The following TMEM266 variants were observed in gnomAD, a reference collection of about 807,000 sequenced individuals.
TMEM266 encodes transmembrane protein 266.
A neutral mutation model predicts 50.5 loss-of-function variants in TMEM266; 33 were observed. The ratio of observed to expected loss-of-function variants is 0.65; its 90% CI spans 0.50 to 0.87. The LOEUF is 0.87. TMEM266 is among the 40% of genes least tolerant of loss of function. The probability of loss-of-function intolerance (pLI) is 0.00; values close to 1 mark genes in which losing one functional copy is unlikely to be tolerated. For synonymous variants in TMEM266, 310 were observed against 292.3 expected (o/e 1.06, Z -0.62); for missense variants, 655 against 695.1 (o/e 0.94, Z 0.65).
intron 8 of TMEM266, among the ~76,000 whole-genome samples, chr15:76,186,950 A>G (rs72736846): frequency 0.077 from 11,578 of 150,472 alleles, 502 homozygotes; most frequent in Middle Eastern, 0.12. Flanking sequence ...TGTACACACT[A>G]TGCCTCCCCT....
intron 9 of TMEM266, among the ~76,000 whole-genome samples, chr15:76,200,240 C>T (rs373830329): frequency 1.3e-5 from 2 of 152,164 alleles, no homozygotes; most frequent in African/African-American, 2.4e-5. Context: ...CCTCTCAGGC[C>T]GGTATCCAGG....
intron 8 of TMEM266, among the ~76,000 whole-genome samples, chr15:76,177,397 C>G (rs901481354): frequency 6.6e-6 from 1 of 152,238 alleles, no homozygotes; most frequent in African/African-American, 2.4e-5. Flanking sequence ...CAACCCCAGC[C>G]TCTCACAGTT....
intron 1 of TMEM266, among the ~76,000 whole-genome samples, chr15:76,126,534 ATTT>A (rs560928549): frequency 7.0e-6 from 1 of 142,484 alleles, no homozygotes. Context: ...TATAGTTAGA[ATTT>A]TTTTTTTTTT....
chr15:76,131,560 A>C (rs1419096127), intron 1 of TMEM266, among the ~76,000 whole-genome samples: 2 of 152,216 alleles, frequency 1.3e-5, no homozygotes, highest in Non-Finnish European at 2.9e-5. Context: ...AGGTTTTATA[A>C]AGAGAACATA....
chr15:76,084,028 C>T (rs557156703), intron 1 of TMEM266, among the ~76,000 whole-genome samples: 18 of 152,174 alleles, frequency 1.2e-4, no homozygotes, highest in East Asian at 3.9e-4. Flanking sequence ...GATGAGCAGC[C>T]GGGCGTGTGG....
In TMEM266 at chr15:76,171,003, G is replaced by T; in HGVS notation, c.524G>T (p.Gly175Val). Residue 175 changes from glycine to valine, a missense_variant, in exon 7 of 11, where the codon GGG becomes GTG. Gly to Val is a moderately radical substitution (Grantham distance 109). Transcript: ENST00000388942. The stretch of plus-strand genomic sequence containing the variant: ...GGCCTCCTCTCACAGGTGTTTGACG[G>T]GGCTGTGATCATCCTATCTTTGGCT... 6.2e-7 allele frequency: 1 copy of T among 1,612,490 alleles called. No homozygotes were observed. Among genetic ancestry groups the T allele is most frequent in the South Asian group, 1.1e-5 (1 of 90,666 alleles).
chr15:76,163,748 G>T (rs2038051606), intron 5 of TMEM266, among the ~76,000 whole-genome samples: 1 of 152,156 alleles, frequency 6.6e-6, no homozygotes, highest in Non-Finnish European at 1.5e-5. Context: ...CATCCCTGGG[G>T]TCTGGAAAGG....
chr15:76,184,573 G>GCTGCC (rs1596161938), intron 8 of TMEM266, among the ~76,000 whole-genome samples: 1 of 152,378 alleles, frequency 6.6e-6, no homozygotes, highest in East Asian at 1.9e-4. Context: ...TGTGCAGACA[G>GCTGCC]CACTAATAGG....
intron 1 of TMEM266, among the ~76,000 whole-genome samples, chr15:76,084,958 CCT>C (rs2036752621): frequency 6.8e-6 from 1 of 146,828 alleles, no homozygotes; most frequent in Non-Finnish European, 1.5e-5. Context: ...TTTTCTTTTT[CCT>C]TTTTTTTTTT....
At chr15:76,109,243 G>C (rs896090528) in intron 1 of TMEM266, 5 of 152,356 alleles carry the variant, frequency 3.3e-5, no homozygotes, top group Non-Finnish European at 4.4e-5. Flanking sequence ...GGGTCAGGTG[G>C]AGTTGTTCTG....
intron 8 of TMEM266, among the ~76,000 whole-genome samples, chr15:76,189,245 G>A (rs187953074): frequency 6.6e-6 from 1 of 151,370 alleles, no homozygotes; most frequent in African/African-American, 2.4e-5. Flanking sequence ...GGGAGGAAGG[G>A]AAGGAGGGAA....
rs189772437 is a variant in TMEM266 at position 76,157,851 on chromosome 15, A to G, written c.382+1093A>G. ...AAAAATTTAAAAATTTCCCTGGCAT[A>G]GTGGCACACGCCTGTAGTCCCAGCT... On this transcript the variant is annotated intron_variant, in intron 4 of 10. Coordinates refer to ENST00000388942, the MANE Select transcript of TMEM266 (RefSeq NM_152335.3). 2.1e-3 allele frequency among the ~76,000 whole-genome samples: 321 copies of G among 152,158 alleles called. 2 individuals carry two copies. Among genetic ancestry groups the G allele is most frequent in the African/African-American group, 7.2e-3 (299 of 41,508 alleles).
intron 5 of TMEM266, among the ~76,000 whole-genome samples, chr15:76,164,404 C>T (rs1260171755): frequency 2.0e-5 from 3 of 152,058 alleles, no homozygotes; most frequent in Non-Finnish European, 2.9e-5. Flanking sequence ...GATGGGGTTT[C>T]GCCATGTTGC....
chr15:76,200,555 T>C (rs886783282), intron 9 of TMEM266, among the ~76,000 whole-genome samples: 13 of 152,216 alleles, frequency 8.5e-5, no homozygotes, highest in Non-Finnish European at 1.5e-4. Flanking sequence ...GTGGATACTT[T>C]AGCTGAGCTC....
Position 76,184,201 on chromosome 15 carries a change from A to G in TMEM266, c.769-7767A>G, listed in dbSNP as rs559389463. Among the ~76,000 whole-genome samples, 3 of 152,338 alleles carry G rather than the reference A, an allele frequency of 2.0e-5. No individual in the cohort carries two copies. In the South Asian group the frequency reaches 6.2e-4, roughly 32 times the overall value. On this transcript the variant is annotated intron_variant, in intron 8 of 10. Coordinates refer to ENST00000388942, the MANE Select transcript of TMEM266 (RefSeq NM_152335.3). ...AGGCCACAAGTTCCCAGCTCAGCAC[A>G]ATAGCCTTTGTTACCTGGATTATTC...
chr15:76,105,706 A>G (rs2201831), intron 1 of TMEM266, among the ~76,000 whole-genome samples: 9,176 of 152,228 alleles, frequency 0.06, 904 homozygotes, highest in African/African-American at 0.21. Flanking sequence ...AGATGGCAGG[A>G]ATGATGTCTC....
At chr15:76,071,467 T>G (rs1229810740) in intron 1 of TMEM266, among the ~76,000 whole-genome samples, 2 of 152,140 alleles carry the variant, frequency 1.3e-5, no homozygotes, top group Non-Finnish European at 2.9e-5. Flanking sequence ...TCCCTACTTC[T>G]CCCAGTGTGG....
intron 1 of TMEM266, among the ~76,000 whole-genome samples, chr15:76,106,469 C>T (rs909559434): frequency 2.6e-5 from 4 of 152,100 alleles, no homozygotes; most frequent in Non-Finnish European, 4.4e-5. Context: ...GACACGGTCT[C>T]GCTCTGTCAC....
chr15:76,104,504 C>T (rs1331437890), intron 1 of TMEM266, among the ~76,000 whole-genome samples: 5 of 152,100 alleles, frequency 3.3e-5, no homozygotes, highest in East Asian at 1.9e-4. Context: ...TCCAGGGCAG[C>T]GGATGGAGAA....
Sources: allele counts gnomAD v4.1 joint callset (sites outside exome capture counted in the v4.1 genomes callset), GRCh38; gene constraint gnomAD v4.1.1; transcripts MANE v1.5; gene names NCBI Gene and HGNC (gene_info 2026-07-23, HGNC 2026-07-21).